Variants in FBXL17 observed in about 807,000 individuals in gnomAD.
FBXL17 encodes F-box and leucine rich repeat protein 17, also known as F-box/LRR-repeat protein 17.
Under a neutral mutation model 66.2 loss-of-function variants are expected in FBXL17, and 22 were observed. The ratio of observed to expected loss-of-function variants is 0.33; its 90% CI spans 0.24 to 0.47. The LOEUF (loss-of-function observed/expected upper bound fraction) is 0.47, where lower values mean the gene tolerates loss of function less well. Among genes scored for constraint, FBXL17 ranks in the 20% least tolerant of loss-of-function variants. FBXL17 has a pLI of 1.00. For missense variants in FBXL17, 878 were observed against 948.2 expected, an observed-to-expected ratio of 0.93 and a Z score of 0.97; for synonymous variants, 474 against 400.5, an observed-to-expected ratio of 1.18 and a Z score of -2.19.
intron 6 of FBXL17, among the ~76,000 whole-genome samples, chr5:108,141,567 A>G (rs555951666): frequency 1.3e-5 from 2 of 152,306 alleles, no homozygotes; most frequent in South Asian, 2.1e-4. Context: ...TCTCTTTCCC[A>G]TCACTCTTCT....
intron 5 of FBXL17, among the ~76,000 whole-genome samples, chr5:108,196,088 T>C: frequency 6.6e-6 from 1 of 152,222 alleles, no homozygotes; most frequent in South Asian, 2.1e-4. Context: ...TTCATTAAGT[T>C]AGCTAGGTAG....
intron 4 of FBXL17, among the ~76,000 whole-genome samples, chr5:108,247,546 T>C (rs1370026511): frequency 1.3e-5 from 2 of 152,168 alleles, no homozygotes; most frequent in Non-Finnish European, 2.9e-5. Context: ...CTCCTAAAAA[T>C]GTAAGGTATC....
intron 5 of FBXL17, among the ~76,000 whole-genome samples, chr5:108,205,574 A>G (rs887727547): frequency 3.3e-5 from 5 of 152,102 alleles, no homozygotes; most frequent in Non-Finnish European, 5.9e-5. Context: ...TTTCTTTTCT[A>G]CAATGTTTTT....
At chr5:107,928,597 T>TCTC (rs1231504860) in intron 7 of FBXL17, among the ~76,000 whole-genome samples, 3 of 152,106 alleles carry the variant, frequency 2.0e-5, no homozygotes, top group African/African-American at 7.2e-5. Context: ...GAAAGATAAG[T>TCTC]AATTGGCACA....
At chr5:108,217,614 TA>T (rs1332176943) in intron 5 of FBXL17, among the ~76,000 whole-genome samples, 1 of 152,202 alleles carries the variant, frequency 6.6e-6, no homozygotes, top group African/African-American at 2.4e-5. Context: ...AATTTTCAAG[TA>T]TACAATATAG....
intron 6 of FBXL17, among the ~76,000 whole-genome samples, chr5:108,078,599 A>G (rs936058617): frequency 6.6e-6 from 1 of 152,138 alleles, no homozygotes; most frequent in Non-Finnish European, 1.5e-5. Flanking sequence ...TTGACACCTT[A>G]AAGATCTGAA....
intron 6 of FBXL17, among the ~76,000 whole-genome samples, chr5:108,147,667 G>A (rs1751611580): frequency 1.3e-5 from 2 of 152,134 alleles, no homozygotes; most frequent in South Asian, 4.1e-4. Flanking sequence ...TAAGAATGTT[G>A]ACAAATGATG....
chr5:108,265,495 T>C (rs1464019849), intron 4 of FBXL17, among the ~76,000 whole-genome samples: 2 of 152,144 alleles, frequency 1.3e-5, no homozygotes, highest in African/African-American at 2.4e-5. Flanking sequence ...AAAATCAACA[T>C]ACACTAAAAA....
chr5:108,164,803 C>T (rs914434054), intron 6 of FBXL17, among the ~76,000 whole-genome samples: 1 of 152,188 alleles, frequency 6.6e-6, no homozygotes, highest in African/African-American at 2.4e-5. Flanking sequence ...TAGAAGGTGG[C>T]AGAGCCAGGA....
intron 5 of FBXL17, among the ~76,000 whole-genome samples, chr5:108,216,596 T>C (rs1754608682): frequency 1.3e-5 from 2 of 152,158 alleles, no homozygotes; most frequent in Non-Finnish European, 2.9e-5. Context: ...GATATAAGTA[T>C]ACATTGTGGA....
chr5:107,914,066 A>T (rs1750045561), intron 7 of FBXL17, among the ~76,000 whole-genome samples: 1 of 150,342 alleles, frequency 6.7e-6, no homozygotes, highest in Non-Finnish European at 1.5e-5. Context: ...TTCTATAGGA[A>T]TACTTCATTA....
intron 7 of FBXL17, among the ~76,000 whole-genome samples, chr5:107,892,959 G>A (rs17436107): frequency 2.0e-5 from 3 of 151,958 alleles, no homozygotes; most frequent in African/African-American, 7.3e-5. Context: ...TTCTGTTTTC[G>A]ATATTCTCTA....
intron 1 of FBXL17, among the ~76,000 whole-genome samples, chr5:108,373,877 C>A (rs1749237181): frequency 1.3e-5 from 2 of 152,074 alleles, no homozygotes; most frequent in Non-Finnish European, 2.9e-5. Flanking sequence ...GTGATCGTGC[C>A]ACTGCATTCC....
intron 4 of FBXL17, among the ~76,000 whole-genome samples, chr5:108,269,705 T>G (rs2966787): frequency 0.016 from 2,369 of 152,056 alleles, 73 homozygotes; most frequent in African/African-American, 0.053. Flanking sequence ...CCTAGACAGA[T>G]TGTAAGGTCT....
intron 1 of FBXL17, among the ~76,000 whole-genome samples, chr5:108,372,496 A>T (rs1158068509): frequency 1.3e-5 from 2 of 152,250 alleles, no homozygotes; most frequent in Non-Finnish European, 1.5e-5. Context: ...AATTGTTGAA[A>T]GACAAAAACC....
chr5:108,272,914 T>C (rs1428306527), intron 4 of FBXL17, among the ~76,000 whole-genome samples: 4 of 152,202 alleles, frequency 2.6e-5, no homozygotes, highest in Non-Finnish European at 1.5e-5. Context: ...CCTGCCCCGA[T>C]ATTCACGTAG....
At chr5:108,357,836 A>C (rs1028314784) in intron 3 of FBXL17, among the ~76,000 whole-genome samples, 1 of 151,980 alleles carries the variant, frequency 6.6e-6, no homozygotes, top group Non-Finnish European at 1.5e-5. Context: ...TAAAAGAAGA[A>C]ACTTCAGAAG....
intron 6 of FBXL17, among the ~76,000 whole-genome samples, chr5:108,043,325 C>T (rs2112807667): frequency 6.6e-6 from 1 of 152,186 alleles, no homozygotes; most frequent in South Asian, 2.1e-4. Flanking sequence ...AGGTTTTTCC[C>T]CCCCTAGGTT....
intron 4 of FBXL17, among the ~76,000 whole-genome samples, chr5:108,307,384 C>A (rs1363533099): frequency 6.6e-6 from 1 of 151,990 alleles, no homozygotes; most frequent in Non-Finnish European, 1.5e-5. Flanking sequence ...TAGCTTCCTG[C>A]AGCTTCAAAC....
Sources: allele counts gnomAD v4.1 joint callset (sites outside exome capture counted in the v4.1 genomes callset), GRCh38; gene constraint gnomAD v4.1.1; transcripts MANE v1.5; gene names NCBI Gene and HGNC (gene_info 2026-07-23, HGNC 2026-07-21).